INTS10: variants seen among roughly 807,000 people sequenced by gnomAD.
INTS10 encodes chromosome 8 open reading frame 35.
In INTS10, 44 loss-of-function variants were observed where a neutral mutation model predicts 94.4. The ratio of observed to expected loss-of-function variants is 0.47; its 90% confidence interval spans 0.37 to 0.60. The LOEUF is 0.60. INTS10 is among the 20% of genes least tolerant of loss of function. The pLI is 0.00. For missense variants in INTS10, 797 were observed against 868.7 expected (o/e 0.92, Z 1.04); for synonymous variants, 341 against 320.7 (o/e 1.06, Z -0.68).
At chr8:19,841,356 T>C (rs942178477) in intron 13 of INTS10, among the ~76,000 whole-genome samples, 2 of 152,166 alleles carry the variant, frequency 1.3e-5, no homozygotes, top group Non-Finnish European at 2.9e-5. Context: ...CAAAGGCTGT[T>C]ACAATCAAAG....
In INTS10 at chr8:19,843,906, G is replaced by C. The variant is rs936660151; in HGVS notation, c.1720-170G>C. Reference sequence around the variant, plus strand: ...TAGAATCCACCCTCCTTAGAAGGCAGCTGTGATGTTTACCAGCCATTTCGT... The same window carrying C: ...TAGAATCCACCCTCCTTAGAAGGCACCTGTGATGTTTACCAGCCATTTCGT... On this transcript the variant is annotated intron_variant, in intron 14 of 16. Transcript: ENST00000397977. This position sits in a 1 kb window ranked among gnomAD's most constrained non-coding sequence, Gnocchi z 4.7. Among the ~76,000 whole-genome samples the C allele has an allele frequency of 6.6e-6, 1 of 152,218 alleles. No homozygotes were observed. Among genetic ancestry groups the C allele is most frequent in the Non-Finnish European group, 1.5e-5 (1 of 68,040 alleles).
At chr8:19,840,062 CAAAAAAAAAAAAA>C (rs56275270) in intron 13 of INTS10, among the ~76,000 whole-genome samples, 3 of 70,332 alleles carry the variant, frequency 4.3e-5, no homozygotes, top group Admixed American at 2.0e-4. Context: ...GACCTTGTCT[CAAAAAAAAAAAAA>C]AAAAAAAAAA....
chr8:19,830,901 T>C (rs943740627), intron 10 of INTS10, among the ~76,000 whole-genome samples: 9 of 152,186 alleles, frequency 5.9e-5, no homozygotes, highest in Non-Finnish European at 1.3e-4. Flanking sequence ...CTTGAACTCC[T>C]GACCACGTGA....
Position 19,845,710 on chromosome 8 carries a change from A to C in INTS10, c.1889A>C (p.Asp630Ala), listed in dbSNP as rs1407240186. 1 of 1,612,242 alleles carries C rather than the reference A, an allele frequency of 6.2e-7. No individual in the cohort carries two copies. The highest frequency in any genetic ancestry group is 8.5e-7 in the Non-Finnish European group (1 of 1,178,418). The change falls in exon 16 of 17, where the codon GAT becomes GCT. Residue 630 changes from aspartate to alanine, a missense_variant. Physicochemically the swap from Asp to Ala is moderately radical, Grantham distance 126. Coordinates refer to ENST00000397977, the MANE Select transcript of INTS10 (RefSeq NM_018142.4). ...ENFFNYVTNI[D>A]MLEEFAYLRT... ...ACCTGAATCTGGCCTGCAGATATTG[A>C]TATGCTGGAGGAATTTGCCTACTTG...
rs2066017487 is a variant in INTS10 at position 19,817,601 on chromosome 8, C to T, written c.64C>T (p.Leu22=). 6.2e-7 allele frequency: 1 copy of T among 1,608,806 alleles called. No homozygotes were observed. Among genetic ancestry groups the T allele is most frequent in the Non-Finnish European group, 8.5e-7 (1 of 1,178,182 alleles). ...AGCCCGGGAGTTGGTGCCGCAAGACCTGTGGGCAGCCAAGGCGTGGCTGAT... is the reference window on the plus strand; with the variant it reads ...AGCCCGGGAGTTGGTGCCGCAAGACTTGTGGGCAGCCAAGGCGTGGCTGAT... ...QRARELVPQD[L]WAAKAWLITA... The change falls in exon 1 of 17, where the codon CTG becomes TTG. Residue 22 remains leucine (L), a synonymous_variant. Coordinates refer to ENST00000397977, the MANE Select transcript of INTS10 (RefSeq NM_018142.4).
chr8:19,825,264 C>T (rs1005979839), intron 8 of INTS10, among the ~76,000 whole-genome samples: 3 of 152,194 alleles, frequency 2.0e-5, no homozygotes, highest in African/African-American at 4.8e-5. Flanking sequence ...CTGTGGCTCA[C>T]ACCTGTAATC....
intron 5 of INTS10, 146 bp downstream of exon 5, chr8:19,822,666 T>C (rs2066472150): frequency 1.8e-6 from 1 of 541,512 alleles, no homozygotes; most frequent in Admixed American, 3.3e-5. Flanking sequence ...TTTAGAAGCA[T>C]TTTAGCTGGG....
chr8:19,846,923 G>C lies in INTS10; in HGVS notation c.1976+1126G>C, dbSNP rs2068629280. Among the ~76,000 whole-genome samples the C allele has an allele frequency of 6.6e-6, 1 of 152,204 alleles. No individual in the cohort carries two copies. The highest frequency in any genetic ancestry group is 6.5e-5 in the Admixed American group (1 of 15,286). ...CTGCAAGAGACTGAATCCTGAATGA[G>C]AAGAAAGTACTGCTAAAACTAAAAA... On this transcript the variant is annotated intron_variant, in intron 16 of 16. Transcript: ENST00000397977. The surrounding 1 kb of genome is among the most constrained non-coding windows in gnomAD (Gnocchi z 4.2).
rs547991229 is a variant in INTS10, at chr8:19,818,099, C to T, written c.130-176C>T. On this transcript the variant is annotated intron_variant, in intron 1 of 16. Coordinates refer to ENST00000397977, the MANE Select transcript of INTS10 (RefSeq NM_018142.4). ...GGGAGCCTGAGATTGCAGGTGAACC[C>T]CAGGGTCACACTCTAAGCCCAATGG... 11 of 654,198 alleles carry T rather than the reference C, an allele frequency of 1.7e-5. No individual in the cohort carries two copies. In the South Asian group the frequency reaches 2.0e-4, roughly 12 times the overall value. The allele number at this position is 654,198 out of a possible 1,614,324, so 40.5% of individuals were successfully genotyped here.
chr8:19,817,755 T>TG, intron 1 of INTS10, 89 bp downstream of exon 1: 1 of 1,488,334 alleles, frequency 6.7e-7, no homozygotes, highest in Non-Finnish European at 9.0e-7. Context: ...TGCGCCTGCC[T>TG]GGGGGCTGCC....
At chr8:19,818,604 C>A in intron 2 of INTS10, 1 of 475,852 alleles carries the variant, frequency 2.1e-6, no homozygotes, top group Non-Finnish European at 3.8e-6. Context: ...GTGCTCATTA[C>A]AAAAATTCAA....
chr8:19,843,979 C>A lies in INTS10; in HGVS notation c.1720-97C>A. On this transcript the variant is annotated intron_variant, in intron 14 of 16. Transcript: ENST00000397977. The surrounding 1 kb of genome is among the most constrained non-coding windows in gnomAD (Gnocchi z 4.7). ...TCTAATGACGTTTATCACACATTTG[C>A]ATATACAGCATATTTTTGGAAAGTG... 1 of 892,220 alleles carries A rather than the reference C, an allele frequency of 1.1e-6. No homozygotes were observed. The highest frequency in any genetic ancestry group is 1.7e-6 in the Non-Finnish European group (1 of 577,250). The allele number at this position is 892,220 out of a possible 1,614,324, so 55.3% of individuals were successfully genotyped here.
At chr8:19,839,733 C>A (rs368995804) in intron 13 of INTS10, among the ~76,000 whole-genome samples, 11 of 151,856 alleles carry the variant, frequency 7.2e-5, no homozygotes, top group Non-Finnish European at 1.3e-4. Flanking sequence ...AACACAGTTA[C>A]ATATTTGGCT....
intron 11 of INTS10, among the ~76,000 whole-genome samples, chr8:19,832,921 G>C (rs1005164119): frequency 3.3e-5 from 5 of 152,016 alleles, no homozygotes; most frequent in African/African-American, 4.8e-5. Context: ...CTTTAGTCTC[G>C]AGACCTAAGA....
chr8:19,833,577 TC>T (rs2067412597), intron 12 of INTS10, among the ~76,000 whole-genome samples: 1 of 152,180 alleles, frequency 6.6e-6, no homozygotes, highest in South Asian at 2.1e-4. Context: ...GGAGGATTTT[TC>T]TTTTTATTAT....
chr8:19,851,770 A>C lies in INTS10; in HGVS notation c.2098A>C (p.Asn700His), dbSNP rs1329104027. The change falls in exon 17 of 17, where the codon AAT (asparagine) becomes CAT (histidine). Residue 700 changes from asparagine (N) to histidine (H), a missense_variant. By Grantham distance (68) the Asn-to-His change is moderately conservative (BLOSUM62 1). Around this residue, in one of 3 missense-constraint regions of INTS10, gnomAD observed 47 missense variants for 41.8 expected, o/e 1.12. Coordinates refer to ENST00000397977, the MANE Select transcript of INTS10 (RefSeq NM_018142.4). This position sits in a 1 kb window ranked among gnomAD's most constrained non-coding sequence, Gnocchi z 5.0. ...GGTGGTTCTGCACAGGTTCTGCATT[A>C]ATGAGAAGATCTTGCTCCTTCAGAC... ...LMVVLHRFCI[N>H]EKILLLQTLT The C allele has an allele frequency of 4.3e-6, 7 of 1,614,076 alleles. No individual in the cohort carries two copies. Among genetic ancestry groups the C allele is most frequent in the African/African-American group, 1.3e-5 (1 of 74,936 alleles).
At chr8:19,824,633 A>G (rs2066649642) in intron 7 of INTS10, 170 bp from the exon 8 acceptor site, 1 of 514,862 alleles carries the variant, frequency 1.9e-6, no homozygotes, top group Middle Eastern at 4.9e-4. Flanking sequence ...CTTGATCACC[A>G]CCCTAATTCA....
chr8:19,818,358 G>A lies in INTS10; in HGVS notation c.197+16G>A. On this transcript the variant is annotated intron_variant, in intron 2 of 16. Transcript: ENST00000397977. The stretch of plus-strand genomic sequence containing the variant: ...TGTACGACATGTGAGTGGGACGCTT[G>A]ACATCACTTTTACTGCACTGAATCT... 6.2e-7 allele frequency: 1 copy of A among 1,612,662 alleles called. No homozygotes were observed.
At position 19,817,499 on chromosome 8, in the gene INTS10, C is replaced by A; in HGVS notation, c.-39C>A. The A allele has an allele frequency of 6.3e-7, 1 of 1,591,066 alleles. No individual in the cohort carries two copies. The highest frequency in any genetic ancestry group is 8.5e-7 in the Non-Finnish European group (1 of 1,171,102). On this transcript the variant is annotated 5_prime_UTR_variant, in exon 1 of 17. Coordinates refer to ENST00000397977, the MANE Select transcript of INTS10 (RefSeq NM_018142.4). ...GGCTGAGAGTCCAGAGCCGGACGTT[C>A]CGGCCGCTTCGGGCTGGCGGCTGGA... is the stretch of plus-strand genomic sequence containing the variant.
Sources: allele counts gnomAD v4.1 joint callset (sites outside exome capture counted in the v4.1 genomes callset), GRCh38; gene constraint gnomAD v4.1.1; regional missense constraint gnomAD v4.1.1; non-coding constraint Gnocchi (gnomAD v3.1); transcripts MANE v1.5; gene names NCBI Gene and HGNC (gene_info 2026-07-23, HGNC 2026-07-21).